The following CYFIP1 variants were observed in gnomAD, a reference collection of about 807,000 sequenced individuals.
CYFIP1 encodes the protein cytoplasmic FMR1-interacting protein 1.
A neutral mutation model predicts 163.5 loss-of-function variants in CYFIP1; 58 were observed. That is an observed-to-expected ratio of 0.35 (90% CI 0.29 to 0.44). The LOEUF (loss-of-function observed/expected upper bound fraction) is 0.44. CYFIP1 is among the 20% of genes least tolerant of loss of function. The pLI, the probability that CYFIP1 is intolerant of heterozygous loss-of-function variation, is 1.00. For missense variants in CYFIP1, 1,338 were observed against 1,653.8 expected, an observed-to-expected ratio of 0.81 and a Z score of 3.31; for synonymous variants, 663 against 660.7, an observed-to-expected ratio of 1.00 and a Z score of -0.05.
chr15:22,951,471 G>C (rs761741777), intron 1 of CYFIP1: 1 of 1,289,308 alleles, frequency 7.8e-7, no homozygotes, highest in South Asian at 1.2e-5. Flanking sequence ...ACCTCAGGGT[G>C]ATGCCGCTCG....
At chr15:22,876,980 T>G (rs1329122518) in intron 26 of CYFIP1, among the ~76,000 whole-genome samples, 1 of 152,044 alleles carries the variant, frequency 6.6e-6, no homozygotes, top group African/African-American at 2.4e-5. Flanking sequence ...TTAAGAAAGC[T>G]CGGGTCTCAC....
chr15:22,927,771 C>T (rs2061403490), intron 12 of CYFIP1, 135 bp downstream of exon 12: 1 of 854,082 alleles, frequency 1.2e-6, no homozygotes, highest in South Asian at 2.3e-5. Flanking sequence ...TTAAAATCAC[C>T]TTGGAAACAT....
chr15:22,925,903 T>C (rs1595618321), intron 13 of CYFIP1, 79 bp downstream of exon 13: 2 of 1,576,984 alleles, frequency 1.3e-6, no homozygotes, highest in East Asian at 4.5e-5. Flanking sequence ...GCAGTTTTGT[T>C]CATGTTTTTG....
chr15:22,924,037 T>C (rs2061280394), intron 13 of CYFIP1, among the ~76,000 whole-genome samples: 1 of 151,368 alleles, frequency 6.6e-6, no homozygotes, highest in Non-Finnish European at 1.5e-5. Context: ...TATCATCTGA[T>C]GGATGGATAA....
chr15:22,949,825 G>A (rs755197939), intron 1 of CYFIP1, among the ~76,000 whole-genome samples: 20 of 151,828 alleles, frequency 1.3e-4, no homozygotes, highest in African/African-American at 3.6e-4. Context: ...CATGGACTTC[G>A]AAATCCTTAG....
At chr15:22,886,433 A>C (rs1179869566) in intron 23 of CYFIP1, among the ~76,000 whole-genome samples, 1 of 152,222 alleles carries the variant, frequency 6.6e-6, no homozygotes, top group Admixed American at 6.5e-5. Flanking sequence ...AAATCGAATA[A>C]TCAAATCAAA....
chr15:22,907,641 C>G (rs1160290719), intron 21 of CYFIP1, among the ~76,000 whole-genome samples: 1 of 152,226 alleles, frequency 6.6e-6, no homozygotes, highest in African/African-American at 2.4e-5. Context: ...GCACCAATGA[C>G]CACGCACTGG....
Position 22,872,980 on chromosome 15 carries a change from C to T in CYFIP1, c.3450-8G>A. 1 of 1,612,968 alleles carries T rather than the reference C, an allele frequency of 6.2e-7. No homozygotes were observed. Among genetic ancestry groups the T allele is most frequent in the Non-Finnish European group, 8.5e-7 (1 of 1,179,534 alleles). ...CCATCACCAAAGCACTGCCTAGGAACAAGAAGCAGAAACAGAATGGGAGAT... is the reference window on the plus strand; with the variant it reads ...CCATCACCAAAGCACTGCCTAGGAATAAGAAGCAGAAACAGAATGGGAGAT... On this transcript the variant is annotated splice_polypyrimidine_tract_variant and splice_region_variant and intron_variant, in intron 29 of 30. Transcript: ENST00000617928.
chr15:22,908,705 T>G (rs1274168391), intron 21 of CYFIP1, among the ~76,000 whole-genome samples: 4 of 151,580 alleles, frequency 2.6e-5, no homozygotes, highest in Admixed American at 2.6e-4. Context: ...ATTTTTGTAG[T>G]TTTAGTGGAG....
At chr15:22,908,907 T>C (rs1322067520) in intron 21 of CYFIP1, among the ~76,000 whole-genome samples, 2 of 152,202 alleles carry the variant, frequency 1.3e-5, no homozygotes, top group African/African-American at 4.8e-5. Flanking sequence ...CCTTTTGCCA[T>C]AGTTGGCGAT....
intron 13 of CYFIP1, among the ~76,000 whole-genome samples, chr15:22,919,952 T>A (rs943925605): frequency 6.6e-6 from 1 of 151,598 alleles, no homozygotes; most frequent in Non-Finnish European, 1.5e-5. Context: ...AGCCTAGGAG[T>A]TCGAGGCTGC....
At chr15:22,923,093 G>A (rs1335369391) in intron 13 of CYFIP1, among the ~76,000 whole-genome samples, 4 of 151,698 alleles carry the variant, frequency 2.6e-5, no homozygotes, top group Non-Finnish European at 5.9e-5. Context: ...AAAAGCATAA[G>A]CAACGAAAGA....
At position 22,975,756 on chromosome 15, in the gene CYFIP1, T is replaced by C. The variant is rs1453166020; in HGVS notation, c.-7+4531A>G. The stretch of plus-strand genomic sequence containing the variant: ...CCTGGGCAATAAGAGCGAAACTCCA[T>C]CTCAAAAAAAGTTACACTCGGATTT... On this transcript the variant is annotated intron_variant, in intron 1 of 30. Coordinates refer to ENST00000617928, the MANE Select transcript of CYFIP1 (RefSeq NM_014608.6). Among the ~76,000 whole-genome samples, 3 of 152,228 alleles carry C rather than the reference T, an allele frequency of 2.0e-5. No homozygotes were observed. The South Asian group carries it at 6.2e-4, about 32-fold the overall frequency.
At chr15:22,937,261 C>G in intron 8 of CYFIP1, 53 bp from the exon 9 acceptor site, 1 of 1,096,280 alleles carries the variant, frequency 9.1e-7, no homozygotes, top group Non-Finnish European at 1.4e-6. Context: ...GAGAATTTCA[C>G]TACCCATAAG....
At chr15:22,914,622 T>C in intron 17 of CYFIP1, 104 bp downstream of exon 17, 1 of 1,263,168 alleles carries the variant, frequency 7.9e-7, no homozygotes, top group Non-Finnish European at 1.1e-6. Flanking sequence ...AGAAACTTGA[T>C]TTCAAATACA....
At chr15:22,927,600 G>A (rs536373286) in intron 12 of CYFIP1, among the ~76,000 whole-genome samples, 3 of 151,918 alleles carry the variant, frequency 2.0e-5, no homozygotes, top group African/African-American at 7.2e-5. Context: ...AGGCTGTAGG[G>A]ACTTATGTTT....
At chr15:22,903,584 T>C (rs961098166) in intron 22 of CYFIP1, 122 bp downstream of exon 22, 2 of 1,040,940 alleles carry the variant, frequency 1.9e-6, no homozygotes, top group Non-Finnish European at 2.9e-6. Flanking sequence ...GCTCTTCATG[T>C]GAGAAGTGAT....
In CYFIP1 at chr15:22,867,659, G is replaced by A; in HGVS notation, c.*2369C>T. ...TCATTTAGACTTTGAACAGCTCTGG[G>A]AAATAGAAGACTAGGGTTGTTTCTT... On this transcript the variant is annotated 3_prime_UTR_variant, in exon 31 of 31. Coordinates refer to ENST00000617928, the MANE Select transcript of CYFIP1 (RefSeq NM_014608.6). 1 of 150,316 alleles carries A rather than the reference G, an allele frequency of 6.7e-6. No homozygotes were observed. Among genetic ancestry groups the A allele is most frequent in the African/African-American group, 2.4e-5 (1 of 40,894 alleles). 9.3% of individuals were successfully genotyped at this position (150,316 alleles called of 1,614,324 possible).
rs1424236162 is a variant in CYFIP1 at position 22,944,541 on chromosome 15, A to G, written c.387+17T>C. 3.2e-6 allele frequency: 5 copies of G among 1,540,224 alleles called. No individual in the cohort carries two copies. The highest frequency in any genetic ancestry group is 4.5e-6 in the Non-Finnish European group (5 of 1,114,848). ...CCCCTCGGTGTTACACCCCCCCCAGATTATTTGCCATTTTACCTGGAAGTA... is the reference window on the plus strand; with the variant it reads ...CCCCTCGGTGTTACACCCCCCCCAGGTTATTTGCCATTTTACCTGGAAGTA... On this transcript the variant is annotated intron_variant, in intron 5 of 30. Coordinates refer to ENST00000617928, the MANE Select transcript of CYFIP1 (RefSeq NM_014608.6).
Sources: gnomAD v4.1 joint callset for allele counts (sites outside exome capture counted in the v4.1 genomes callset) on GRCh38, gnomAD v4.1.1 for gene constraint, MANE v1.5 for transcripts, NCBI Gene and HGNC (gene_info 2026-07-23, HGNC 2026-07-21) for gene names.